OTOGL: variants seen among roughly 807,000 people sequenced by gnomAD.
OTOGL encodes the protein otogelin like, also known as otogelin-like protein.
Under a neutral mutation model 318.5 loss-of-function variants are expected in OTOGL, and 285 were observed. That is an observed-to-expected ratio of 0.89 (90% CI 0.81 to 0.99). OTOGL has a LOEUF of 0.99. Ranked by LOEUF, OTOGL falls within the 50% of genes least tolerant of loss-of-function variation. The pLI, the probability that OTOGL is intolerant of heterozygous loss-of-function variation, is 0.00. For missense variants in OTOGL, 2,899 were observed against 2,845.6 expected (o/e 1.02, Z -0.43); for synonymous variants, 987 against 936.5 (o/e 1.05, Z -0.99).
chr12:80,355,108 TA>T (rs1279929864), intron 46 of OTOGL, among the ~76,000 whole-genome samples: 6 of 152,036 alleles, frequency 3.9e-5, no homozygotes, highest in Non-Finnish European at 7.4e-5. Flanking sequence ...TAACAGGACT[TA>T]AAATGTGTCA....
intron 1 of OTOGL, chr12:80,208,246 T>C (rs1484836274): frequency 5.8e-6 from 3 of 515,782 alleles, no homozygotes; most frequent in East Asian, 5.5e-5. Context: ...TAAATGATTA[T>C]TGGATTTGGA....
At chr12:80,191,841 A>G (rs1195159407) in intron 1 of OTOGL, among the ~76,000 whole-genome samples, 1 of 152,180 alleles carries the variant, frequency 6.6e-6, no homozygotes, top group Non-Finnish European at 1.5e-5. Flanking sequence ...ATGGCAAGAG[A>G]GGAACTAGAG....
chr12:80,256,316 G>A (rs768657593), intron 16 of OTOGL, 21 bp from the exon 17 acceptor site: 3 of 1,587,160 alleles, frequency 1.9e-6, no homozygotes, highest in East Asian at 4.5e-5. Flanking sequence ...TCCTTGCATT[G>A]ATAATTTGAT....
At chr12:80,244,963 T>G (rs1880741561) in intron 11 of OTOGL, among the ~76,000 whole-genome samples, 1 of 149,050 alleles carries the variant, frequency 6.7e-6, no homozygotes, top group South Asian at 2.1e-4. Context: ...CATAAATGTC[T>G]TCTTTTGAGA....
At chr12:80,264,962 T>A in intron 19 of OTOGL, 39 bp from the exon 20 acceptor site, 1 of 1,590,166 alleles carries the variant, frequency 6.3e-7, no homozygotes, top group Non-Finnish European at 8.6e-7. Context: ...GGGTAAGATC[T>A]GAACTGTTAA....
intron 38 of OTOGL, among the ~76,000 whole-genome samples, chr12:80,334,128 T>C (rs1438458841): frequency 6.6e-6 from 1 of 152,062 alleles, no homozygotes; most frequent in Non-Finnish European, 1.5e-5. Context: ...TAGGAGGCTA[T>C]TGTAGGAATT....
intron 58 of OTOGL, 99 bp from the exon 59 acceptor site, chr12:80,377,749 G>A (rs1891245905): frequency 2.1e-6 from 2 of 938,172 alleles, no homozygotes; most frequent in South Asian, 1.7e-5. Context: ...TTGGAGTGAT[G>A]AGGAAGAAAG....
intron 1 of OTOGL, among the ~76,000 whole-genome samples, chr12:80,102,722 G>A (rs1283019300): frequency 6.6e-6 from 1 of 152,010 alleles, no homozygotes; most frequent in Admixed American, 6.6e-5. Flanking sequence ...TAGCTTTTAA[G>A]GTTTCCTGTT....
At chr12:80,217,983 T>C (rs1259149721) in intron 5 of OTOGL, among the ~76,000 whole-genome samples, 2 of 152,186 alleles carry the variant, frequency 1.3e-5, no homozygotes, top group Non-Finnish European at 2.9e-5. Context: ...CCATTTCCAT[T>C]AAGCAGAATG....
At chr12:80,361,005 T>A (rs184945010) in intron 52 of OTOGL, 83 of 152,198 alleles carry the variant, frequency 5.5e-4, no homozygotes, top group African/African-American at 1.8e-3. Context: ...GAATCTATTA[T>A]CTTAACAATT....
chr12:80,226,839 G>A (rs549620189), intron 7 of OTOGL, among the ~76,000 whole-genome samples: 1 of 152,254 alleles, frequency 6.6e-6, no homozygotes, highest in African/African-American at 2.4e-5. Context: ...GGAAAGGGAA[G>A]ATACTTTCCT....
At chr12:80,184,271 C>T (rs930378833) in intron 1 of OTOGL, among the ~76,000 whole-genome samples, 5 of 152,176 alleles carry the variant, frequency 3.3e-5, no homozygotes, top group Non-Finnish European at 7.3e-5. Context: ...ATTAGCCACA[C>T]CAGGCTTAAC....
intron 24 of OTOGL, among the ~76,000 whole-genome samples, chr12:80,273,477 C>T (rs921394117): frequency 6.6e-6 from 1 of 151,964 alleles, no homozygotes; most frequent in African/African-American, 2.4e-5. Flanking sequence ...CTATGCTGGC[C>T]CTCCTTATAA....
At chr12:80,152,836 G>T (rs953386219) in intron 1 of OTOGL, among the ~76,000 whole-genome samples, 9 of 152,056 alleles carry the variant, frequency 5.9e-5, no homozygotes, top group African/African-American at 2.2e-4. Flanking sequence ...CCCAGCTGGT[G>T]GTATGCACCA....
chr12:80,325,538 G>A (rs1887627248), intron 35 of OTOGL, among the ~76,000 whole-genome samples: 1 of 152,200 alleles, frequency 6.6e-6, no homozygotes, highest in South Asian at 2.1e-4. Flanking sequence ...TAGTGCCAGG[G>A]TTTGGACTGC....
intron 11 of OTOGL, among the ~76,000 whole-genome samples, chr12:80,240,872 A>T (rs925584709): frequency 5.9e-5 from 9 of 152,108 alleles, no homozygotes; most frequent in Admixed American, 2.0e-4. Context: ...CCTACCATAA[A>T]TTACTCATAA....
At chr12:80,286,054 C>T (rs977413149) in intron 26 of OTOGL, among the ~76,000 whole-genome samples, 4 of 152,096 alleles carry the variant, frequency 2.6e-5, no homozygotes, top group African/African-American at 9.7e-5. Flanking sequence ...CCATCAATAC[C>T]TGATTTATTG....
chr12:80,323,141 CACACACAT>C (rs772739782), intron 34 of OTOGL, among the ~76,000 whole-genome samples: 17,751 of 66,660 alleles, frequency 0.27, 1,290 homozygotes, highest in Non-Finnish European at 0.34. Context: ...CACACACACA[CACACACAT>C]ATATAAAATA....
chr12:80,165,346 A>G (rs902462385), intron 1 of OTOGL, among the ~76,000 whole-genome samples: 5 of 152,136 alleles, frequency 3.3e-5, no homozygotes, highest in African/African-American at 4.8e-5. Flanking sequence ...TTCATTAAGC[A>G]TTTATCATGG....
Sources: gnomAD v4.1 joint callset for allele counts (sites outside exome capture counted in the v4.1 genomes callset) on GRCh38, gnomAD v4.1.1 for gene constraint, MANE v1.5 for transcripts, NCBI Gene and HGNC (gene_info 2026-07-23, HGNC 2026-07-21) for gene names.